VSTM2L: variants seen among roughly 807,000 people sequenced by gnomAD.
VSTM2L encodes the protein V-set and transmembrane domain-containing protein 2-like protein.
Under a neutral mutation model 19.9 loss-of-function variants are expected in VSTM2L, and 9 were observed. That is an observed-to-expected ratio of 0.45 (90% CI 0.27 to 0.79). The LOEUF is 0.79. VSTM2L is among the 30% of genes least tolerant of loss of function. The pLI, the probability that VSTM2L is intolerant of heterozygous loss-of-function variation, is 0.15. For missense variants in VSTM2L, 286 were observed against 295.5 expected, an observed-to-expected ratio of 0.97 and a Z score of 0.24; for synonymous variants, 127 against 133.8, an observed-to-expected ratio of 0.95 and a Z score of 0.35.
intron 1 of VSTM2L, among the ~76,000 whole-genome samples, chr20:37,930,896 C>T (rs1048777500): frequency 1.3e-5 from 2 of 152,128 alleles, no homozygotes; most frequent in Non-Finnish European, 2.9e-5. Flanking sequence ...CTGGAGCTGC[C>T]GCAGGCAACA....
chr20:37,943,077 C>T (rs900515137), intron 3 of VSTM2L, among the ~76,000 whole-genome samples: 4 of 152,062 alleles, frequency 2.6e-5, no homozygotes, highest in Non-Finnish European at 4.4e-5. Flanking sequence ...AAGTGATTTT[C>T]GTGCCTCAGT....
chr20:37,930,589 C>T (rs374661851), intron 1 of VSTM2L, among the ~76,000 whole-genome samples: 4 of 152,046 alleles, frequency 2.6e-5, no homozygotes, highest in Admixed American at 6.5e-5. Context: ...TTTGGGGAGA[C>T]GGGAGACAGA....
intron 1 of VSTM2L, among the ~76,000 whole-genome samples, chr20:37,907,478 T>G (rs1230062584): frequency 6.6e-6 from 1 of 152,156 alleles, no homozygotes; most frequent in Non-Finnish European, 1.5e-5. Context: ...TGCCTAAGTA[T>G]TTACCCATAC....
At chr20:37,921,814 T>TTCTC (rs199749687) in intron 1 of VSTM2L, among the ~76,000 whole-genome samples, 1,637 of 150,050 alleles carry the variant, frequency 0.011, 36 homozygotes, top group African/African-American at 0.037. Context: ...TTTGTTTTCT[T>TTCTC]TCTCTCTTTC....
chr20:37,927,260 C>T (rs1465464994), intron 1 of VSTM2L, among the ~76,000 whole-genome samples: 2 of 152,206 alleles, frequency 1.3e-5, no homozygotes, highest in Non-Finnish European at 2.9e-5. Context: ...CCACCGTGCC[C>T]GGCCTCATTA....
chr20:37,937,982 AC>A (rs1244473236), intron 3 of VSTM2L, among the ~76,000 whole-genome samples: 1 of 152,010 alleles, frequency 6.6e-6, no homozygotes, highest in Non-Finnish European at 1.5e-5. Flanking sequence ...CCGGGATGAG[AC>A]CTCAAAGGGC....
chr20:37,916,016 C>G (rs532693606), intron 1 of VSTM2L, among the ~76,000 whole-genome samples: 1 of 152,326 alleles, frequency 6.6e-6, no homozygotes, highest in Admixed American at 6.5e-5. Context: ...TCCTTTCTGG[C>G]GTGCTGGAGC....
chr20:37,944,052 C>T lies in VSTM2L; in HGVS notation c.414C>T (p.Gly138=), dbSNP rs1431441585. The change falls in exon 4 of 4, where the codon GGC becomes GGT. Residue 138 remains glycine, a synonymous_variant. Transcript: ENST00000373461. The part of the protein sequence containing the change: ...RLSRVKPTDE[G]TYECRVIDFS... Reference sequence around the variant, plus strand: ...CCCGGGTGAAGCCCACGGACGAAGGCACCTACGAGTGCCGCGTCATCGACT... The same window carrying T: ...CCCGGGTGAAGCCCACGGACGAAGGTACCTACGAGTGCCGCGTCATCGACT... 1.9e-6 allele frequency: 3 copies of T among 1,611,818 alleles called. No homozygotes were observed. In the East Asian group the frequency reaches 6.7e-5, roughly 36 times the overall value.
chr20:37,914,148 CGTGTGTGTAT>C (rs2072796909), intron 1 of VSTM2L, among the ~76,000 whole-genome samples: 1 of 149,062 alleles, frequency 6.7e-6, no homozygotes, highest in Non-Finnish European at 1.5e-5. Flanking sequence ...TGTGTGTGTG[CGTGTGTGTAT>C]GTGTGTGGTG....
intron 3 of VSTM2L, among the ~76,000 whole-genome samples, chr20:37,939,986 C>T (rs985828034): frequency 3.9e-5 from 6 of 152,104 alleles, no homozygotes; most frequent in African/African-American, 9.7e-5. Context: ...CCTGGGGAGC[C>T]GTCCAGGCCT....
chr20:37,927,255 G>A (rs951166481), intron 1 of VSTM2L, among the ~76,000 whole-genome samples: 4 of 152,204 alleles, frequency 2.6e-5, no homozygotes, highest in South Asian at 2.1e-4. Context: ...ATGAGCCACC[G>A]TGCCCGGCCT....
intron 1 of VSTM2L, among the ~76,000 whole-genome samples, chr20:37,903,912 C>G (rs1402289597): frequency 6.6e-6 from 1 of 152,218 alleles, no homozygotes; most frequent in African/African-American, 2.4e-5. Context: ...TTCGCCACAA[C>G]TCTTGCCTGC....
chr20:37,936,537 G>A (rs996796539), intron 3 of VSTM2L, among the ~76,000 whole-genome samples: 1 of 152,200 alleles, frequency 6.6e-6, no homozygotes, highest in African/African-American at 2.4e-5. Context: ...CCAAGGTTGA[G>A]GGTAAGAAAG....
chr20:37,925,930 C>T (rs1600568490), intron 1 of VSTM2L, among the ~76,000 whole-genome samples: 2 of 152,368 alleles, frequency 1.3e-5, no homozygotes, highest in East Asian at 3.9e-4. Flanking sequence ...CTCCAGGAAG[C>T]CTTTCCCGAT....
chr20:37,916,545 G>A (rs1038372411), intron 1 of VSTM2L, among the ~76,000 whole-genome samples: 3 of 152,210 alleles, frequency 2.0e-5, no homozygotes, highest in Admixed American at 1.3e-4. Context: ...CTTGGGAGGC[G>A]CCCTGCTTCC....
chr20:37,943,696 G>A (rs2072987333), intron 3 of VSTM2L, among the ~76,000 whole-genome samples: 1 of 152,082 alleles, frequency 6.6e-6, no homozygotes, highest in South Asian at 2.1e-4. Flanking sequence ...TCTGCTGTTT[G>A]CCACTGAGCT....
chr20:37,924,555 A>C (rs1304608500), intron 1 of VSTM2L, among the ~76,000 whole-genome samples: 1 of 81,422 alleles, frequency 1.2e-5, no homozygotes, highest in Admixed American at 1.4e-4. Flanking sequence ...ACTCTGTCTC[A>C]AAAAAAAAAA....
intron 3 of VSTM2L, among the ~76,000 whole-genome samples, chr20:37,936,058 T>C (rs921975958): frequency 5.8e-4 from 88 of 151,050 alleles, no homozygotes; most frequent in African/African-American, 2.1e-3. Flanking sequence ...CTAATTTTTT[T>C]TTTTTTTTTG....
At chr20:37,936,697 T>C (rs1045432463) in intron 3 of VSTM2L, among the ~76,000 whole-genome samples, 1 of 152,194 alleles carries the variant, frequency 6.6e-6, no homozygotes. Context: ...CAGCATTTAG[T>C]GTCCCAGGAG....
Sources: gnomAD v4.1 joint callset for allele counts (sites outside exome capture counted in the v4.1 genomes callset) on GRCh38, gnomAD v4.1.1 for gene constraint, MANE v1.5 for transcripts, NCBI Gene and HGNC (gene_info 2026-07-23, HGNC 2026-07-21) for gene names.